The following PPFIA2 variants were observed in gnomAD, a reference collection of about 807,000 sequenced individuals.
PPFIA2 encodes the protein liprin-alpha-2.
PPFIA2 carries 46 observed loss-of-function variants against 175.5 expected under a neutral mutation model. The observed-to-expected ratio is 0.26, with a 90% CI of 0.21 to 0.34. The LOEUF is 0.34. PPFIA2 is among the 10% of genes least tolerant of loss of function. The pLI, the probability that PPFIA2 is intolerant of heterozygous loss-of-function variation, is 1.00. For synonymous variants in PPFIA2, 568 were observed against 511.4 expected, an observed-to-expected ratio of 1.11 and a Z score of -1.49; for missense variants, 1,179 against 1,506.1, an observed-to-expected ratio of 0.78 and a Z score of 3.60.
chr12:81,363,850 T>C (rs1047426260), intron 14 of PPFIA2, among the ~76,000 whole-genome samples: 1 of 151,940 alleles, frequency 6.6e-6, no homozygotes, highest in East Asian at 1.9e-4. Context: ...AAATGTTCAA[T>C]AGTTTCTTAT....
chr12:81,398,636 C>T (rs1730843207), intron 8 of PPFIA2, among the ~76,000 whole-genome samples: 1 of 152,040 alleles, frequency 6.6e-6, no homozygotes, highest in South Asian at 2.1e-4. Flanking sequence ...ATGCTGGTTA[C>T]TTATCTCATT....
intron 22 of PPFIA2, among the ~76,000 whole-genome samples, chr12:81,322,374 A>G (rs1445940761): frequency 6.6e-6 from 1 of 152,156 alleles, no homozygotes; most frequent in African/African-American, 2.4e-5. Context: ...GATGGATAAG[A>G]TCTCAGAGAG....
intron 4 of PPFIA2, among the ~76,000 whole-genome samples, chr12:81,662,430 C>T (rs1170702582): frequency 6.6e-6 from 1 of 152,148 alleles, no homozygotes; most frequent in Non-Finnish European, 1.5e-5. Flanking sequence ...CACCTCTATG[C>T]AAACAAACTA....
chr12:81,711,945 A>T (rs1158143677), intron 3 of PPFIA2, among the ~76,000 whole-genome samples: 1 of 151,252 alleles, frequency 6.6e-6, no homozygotes, highest in Non-Finnish European at 1.5e-5. Context: ...TGAAAAAAAA[A>T]ATTTCTTCAA....
At chr12:81,731,819 T>C (rs924813468) in intron 3 of PPFIA2, among the ~76,000 whole-genome samples, 3 of 151,582 alleles carry the variant, frequency 2.0e-5, no homozygotes, top group African/African-American at 7.3e-5. Flanking sequence ...GAATGGTGGT[T>C]CAGATTAAGT....
chr12:81,629,300 C>T (rs774227537), intron 4 of PPFIA2, among the ~76,000 whole-genome samples: 2 of 152,080 alleles, frequency 1.3e-5, no homozygotes, highest in Non-Finnish European at 2.9e-5. Flanking sequence ...ATTTAAAATA[C>T]ATTTTTGGTA....
intron 4 of PPFIA2, among the ~76,000 whole-genome samples, chr12:81,576,293 G>A (rs1397005798): frequency 6.6e-6 from 1 of 151,758 alleles, no homozygotes; most frequent in Non-Finnish European, 1.5e-5. Context: ...ATGTTAGCCA[G>A]ATGGAGTGAG....
At chr12:81,345,569 A>G (rs1241807919) in intron 18 of PPFIA2, among the ~76,000 whole-genome samples, 1 of 152,102 alleles carries the variant, frequency 6.6e-6, no homozygotes, top group Non-Finnish European at 1.5e-5. Flanking sequence ...CACTATCAAG[A>G]GTTATGATGC....
intron 4 of PPFIA2, among the ~76,000 whole-genome samples, chr12:81,550,664 A>T (rs1046130235): frequency 1.2e-4 from 18 of 151,960 alleles, no homozygotes; most frequent in African/African-American, 4.3e-4. Flanking sequence ...ATTTATGCTG[A>T]TATTGATGTG....
chr12:81,373,599 G>A (rs1279963215), intron 11 of PPFIA2, among the ~76,000 whole-genome samples: 1 of 151,676 alleles, frequency 6.6e-6, no homozygotes, highest in Non-Finnish European at 1.5e-5. Context: ...CTATTTAAAT[G>A]CTCTCTAATC....
At chr12:81,410,084 T>G (rs2043652458) in intron 7 of PPFIA2, among the ~76,000 whole-genome samples, 1 of 152,136 alleles carries the variant, frequency 6.6e-6, no homozygotes, top group Admixed American at 6.6e-5. Context: ...TTCTGCCATG[T>G]GAGGACGCAT....
intron 4 of PPFIA2, among the ~76,000 whole-genome samples, chr12:81,523,197 C>T (rs1353813834): frequency 1.3e-5 from 2 of 152,168 alleles, no homozygotes; most frequent in East Asian, 3.9e-4. Flanking sequence ...AAGAGTTTTG[C>T]TAAATAGCTA....
chr12:81,718,399 G>A (rs1279771880), intron 3 of PPFIA2, among the ~76,000 whole-genome samples: 1 of 151,566 alleles, frequency 6.6e-6, no homozygotes, highest in African/African-American at 2.4e-5. Context: ...GTGGGATGTG[G>A]CTGAAGTGTT....
chr12:81,716,327 T>C (rs1488047275), intron 3 of PPFIA2, among the ~76,000 whole-genome samples: 1 of 151,816 alleles, frequency 6.6e-6, no homozygotes, highest in Non-Finnish European at 1.5e-5. Flanking sequence ...GTAGTTTGTG[T>C]TGCCAAAGAA....
At chr12:81,405,145 C>T (rs1014134431) in intron 8 of PPFIA2, among the ~76,000 whole-genome samples, 4 of 152,184 alleles carry the variant, frequency 2.6e-5, no homozygotes, top group Admixed American at 6.5e-5. Context: ...AGCAACAGAG[C>T]GCTAGTTTCC....
intron 3 of PPFIA2, among the ~76,000 whole-genome samples, chr12:81,682,365 G>A (rs552492435): frequency 6.6e-6 from 1 of 152,040 alleles, no homozygotes; most frequent in Non-Finnish European, 1.5e-5. Context: ...CCAGAACTGT[G>A]AGAAAATACA....
intron 8 of PPFIA2, 22 bp from the exon 9 acceptor site, chr12:81,384,266 T>C (rs770108329): frequency 5.3e-5 from 73 of 1,388,470 alleles, no homozygotes; most frequent in Non-Finnish European, 2.1e-5. Context: ...GAAAAAGAAA[T>C]GGCACTTAAG....
chr12:81,409,333 T>C (rs2142997521), intron 7 of PPFIA2, among the ~76,000 whole-genome samples: 1 of 152,254 alleles, frequency 6.6e-6, no homozygotes, highest in Non-Finnish European at 1.5e-5. Context: ...CCTCCAAAAC[T>C]TATGTTGAAA....
intron 7 of PPFIA2, among the ~76,000 whole-genome samples, chr12:81,426,490 G>T (rs1284153539): frequency 1.3e-5 from 2 of 152,140 alleles, no homozygotes; most frequent in East Asian, 3.9e-4. Context: ...TCCTATGGAG[G>T]ACTGTGCCCT....
Sources: allele counts gnomAD v4.1 joint callset (sites outside exome capture counted in the v4.1 genomes callset), GRCh38; gene constraint gnomAD v4.1.1; transcripts MANE v1.5; gene names NCBI Gene and HGNC (gene_info 2026-07-23, HGNC 2026-07-21).